NLGN4X: variants seen among roughly 807,000 people sequenced by gnomAD.
NLGN4X encodes neuroligin-4, X-linked.
Under a neutral mutation model 40.3 loss-of-function variants are expected in NLGN4X, and 3 were observed. The observed-to-expected ratio is 0.07, with a 90% confidence interval of 0.03 to 0.19. The LOEUF (loss-of-function observed/expected upper bound fraction) is 0.19. Among genes scored for constraint, NLGN4X ranks in the 10% least tolerant of loss-of-function variants. The pLI, the probability that NLGN4X is intolerant of heterozygous loss-of-function variation, is 1.00. For missense variants in NLGN4X, 382 were observed against 708.3 expected (o/e 0.54, Z 5.23); for synonymous variants, 270 against 306.8 (o/e 0.88, Z 1.25).
chrX:6,166,731 T>C (rs2040503499), intron 1 of NLGN4X, among the ~76,000 whole-genome samples: 1 of 110,702 alleles, frequency 9.0e-6, no homozygotes, highest in African/African-American at 3.3e-5. Context: ...ACGAGTCTTA[T>C]CTGGCTGTTC....
chrX:6,116,076 G>T (rs2039272966), intron 2 of NLGN4X, among the ~76,000 whole-genome samples: 2 of 108,575 alleles, frequency 1.8e-5, no homozygotes, highest in Non-Finnish European at 3.8e-5. Context: ...GGTGCATCAG[G>T]AGGTCAGGAG....
chrX:6,048,468 T>C (rs906363408), intron 2 of NLGN4X, among the ~76,000 whole-genome samples: 1 of 111,645 alleles, frequency 9.0e-6, no homozygotes, highest in Non-Finnish European at 1.9e-5. Context: ...TTCAAAGATG[T>C]TATTAAAGAA....
intron 3 of NLGN4X, among the ~76,000 whole-genome samples, chrX:6,014,976 G>C (rs1380626097): frequency 8.9e-6 from 1 of 111,806 alleles, no homozygotes; most frequent in Admixed American, 9.5e-5. Flanking sequence ...CCAGGTAACT[G>C]TATGGATCAC....
At chrX:6,211,346 G>C (rs1414549563) in intron 1 of NLGN4X, among the ~76,000 whole-genome samples, 2 of 111,574 alleles carry the variant, frequency 1.8e-5, no homozygotes, top group East Asian at 2.8e-4. Flanking sequence ...AAATACATTA[G>C]AGGAGCAAAA....
intron 2 of NLGN4X, among the ~76,000 whole-genome samples, chrX:6,101,242 G>A (rs2038901876): frequency 9.0e-6 from 1 of 111,731 alleles, no homozygotes; most frequent in Admixed American, 9.5e-5. Flanking sequence ...TAAACAGATG[G>A]ATGGACAGAT....
At chrX:6,007,216 A>G (rs1317128611) in intron 3 of NLGN4X, among the ~76,000 whole-genome samples, 4 of 111,904 alleles carry the variant, frequency 3.6e-5, no homozygotes, top group Admixed American at 2.9e-4. Context: ...AATAACTCAG[A>G]AAGTCCAACA....
chrX:6,182,264 C>T (rs143060091), intron 1 of NLGN4X, among the ~76,000 whole-genome samples: 3,234 of 111,588 alleles, frequency 0.029, 126 homozygotes, highest in African/African-American at 0.098. Context: ...ACATACCTTC[C>T]ATCGAGTATA....
intron 3 of NLGN4X, among the ~76,000 whole-genome samples, chrX:5,977,526 A>G: frequency 9.0e-6 from 1 of 110,784 alleles, no homozygotes; most frequent in East Asian, 2.8e-4. Flanking sequence ...CCAGCCACTT[A>G]TTATTAATTA....
intron 1 of NLGN4X, among the ~76,000 whole-genome samples, chrX:6,220,173 C>A (rs369222160): frequency 9.0e-6 from 1 of 111,459 alleles, no homozygotes; most frequent in East Asian, 2.8e-4. Context: ...CTGGTAACAT[C>A]ACAGATAATT....
chrX:6,016,200 C>G (rs758706771), intron 3 of NLGN4X, among the ~76,000 whole-genome samples: 1 of 112,108 alleles, frequency 8.9e-6, no homozygotes, highest in Non-Finnish European at 1.9e-5. Flanking sequence ...CACCTTGCAT[C>G]CAATCCATCA....
intron 3 of NLGN4X, among the ~76,000 whole-genome samples, chrX:5,973,164 T>C (rs1601977239): frequency 8.9e-6 from 1 of 112,343 alleles, no homozygotes; most frequent in East Asian, 2.8e-4. Flanking sequence ...TTATTGTTGT[T>C]ATTAGATAGA....
chrX:6,169,356 C>A (rs2040559405), intron 1 of NLGN4X, among the ~76,000 whole-genome samples: 3 of 112,807 alleles, frequency 2.7e-5, no homozygotes, highest in Admixed American at 1.9e-4. Context: ...ATTTACCAGG[C>A]AGAAGGTACA....
intron 1 of NLGN4X, among the ~76,000 whole-genome samples, chrX:6,157,821 G>A (rs1334030721): frequency 9.0e-6 from 1 of 111,270 alleles, no homozygotes; most frequent in Non-Finnish European, 1.9e-5. Context: ...ACGTCAACAT[G>A]GGGATTCTGG....
chrX:6,213,309 C>T (rs1445522246), intron 1 of NLGN4X, among the ~76,000 whole-genome samples: 1 of 111,391 alleles, frequency 9.0e-6, no homozygotes, highest in Non-Finnish European at 1.9e-5. Context: ...ATTAATACCT[C>T]AAAACTATTA....
intron 2 of NLGN4X, among the ~76,000 whole-genome samples, chrX:6,079,295 C>G (rs894540234): frequency 5.4e-5 from 6 of 112,107 alleles, no homozygotes; most frequent in Non-Finnish European, 1.1e-4. Context: ...ACTAATCTGG[C>G]TGTTATTCAA....
chrX:6,057,572 A>C (rs1370495436), intron 2 of NLGN4X, among the ~76,000 whole-genome samples: 1 of 112,368 alleles, frequency 8.9e-6, no homozygotes. Flanking sequence ...ATTAAATCAC[A>C]AAATGCCTTT....
At chrX:6,012,491 T>C in intron 3 of NLGN4X, among the ~76,000 whole-genome samples, 1 of 111,904 alleles carries the variant, frequency 8.9e-6, no homozygotes, top group East Asian at 2.8e-4. Context: ...GTAGTGTAAA[T>C]ATCTGAAACA....
chrX:6,009,491 T>C (rs995945388), intron 3 of NLGN4X, among the ~76,000 whole-genome samples: 2 of 112,373 alleles, frequency 1.8e-5, no homozygotes, highest in African/African-American at 6.5e-5. Flanking sequence ...TCTGAAAACA[T>C]GATTTCTTGT....
At chrX:6,158,205 G>C (rs191476419) in intron 1 of NLGN4X, among the ~76,000 whole-genome samples, 6 of 111,642 alleles carry the variant, frequency 5.4e-5, no homozygotes, top group Middle Eastern at 4.6e-3. Flanking sequence ...AGTGCCAGCT[G>C]ATAACATGGT....
Sources: allele counts gnomAD v4.1 joint callset (sites outside exome capture counted in the v4.1 genomes callset), GRCh38; gene constraint gnomAD v4.1.1; transcripts MANE v1.5; gene names NCBI Gene and HGNC (gene_info 2026-07-23, HGNC 2026-07-21).